TENM2: variants seen among roughly 807,000 people sequenced by gnomAD.
TENM2 encodes teneurin-2.
TENM2 carries 52 observed loss-of-function variants against 245.2 expected under a neutral mutation model. The ratio of observed to expected loss-of-function variants is 0.21; its 90% CI spans 0.17 to 0.27. The LOEUF (loss-of-function observed/expected upper bound fraction) is 0.27, where lower values mean the gene tolerates loss of function less well. TENM2 is among the 10% of genes least tolerant of loss of function. The pLI, the probability that TENM2 is intolerant of heterozygous loss-of-function variation, is 1.00. For synonymous variants in TENM2, 1,363 were observed against 1,438.9 expected (o/e 0.95, Z 1.19); for missense variants, 3,046 against 3,666.8 (o/e 0.83, Z 4.37).
chr5:167,321,791 T>TTTTC (rs1756745478), intron 1 of TENM2, among the ~76,000 whole-genome samples: 1 of 36,304 alleles, frequency 2.8e-5, no homozygotes, highest in African/African-American at 9.6e-5. Context: ...GCTTATTTTT[T>TTTTC]TTTTTTTTTT....
chr5:168,065,854 G>GTT (rs546874434), intron 7 of TENM2, among the ~76,000 whole-genome samples: 70 of 144,114 alleles, frequency 4.9e-4, no homozygotes, highest in Non-Finnish European at 5.9e-4. Context: ...AAGAACAAAG[G>GTT]TTTTTTTTTT....
At chr5:167,359,512 AT>A (rs60008626) in intron 1 of TENM2, among the ~76,000 whole-genome samples, 31,277 of 149,512 alleles carry the variant, frequency 0.21, 3,616 homozygotes, top group Middle Eastern at 0.27. Flanking sequence ...TCTACTTTCT[AT>A]TTTTTTTTTC....
At chr5:167,197,803 AAACT>A in the TENM2 span, among the ~76,000 whole-genome samples, 1 of 151,976 alleles carries the variant, frequency 6.6e-6, no homozygotes, top group Admixed American at 6.6e-5. Flanking sequence ...ACTTTTGCTA[AAACT>A]TGTTTCTTTC....
At chr5:167,523,572 G>A (rs1391015296) in intron 2 of TENM2, among the ~76,000 whole-genome samples, 1 of 151,914 alleles carries the variant, frequency 6.6e-6, no homozygotes, top group African/African-American at 2.4e-5. Context: ...TTTGGTGTTC[G>A]CTCATTGAAA....
At chr5:167,047,339 T>G in the TENM2 span, among the ~76,000 whole-genome samples, 2 of 152,306 alleles carry the variant, frequency 1.3e-5, no homozygotes, top group East Asian at 3.9e-4. Flanking sequence ...AGTAATCATC[T>G]GTACCTTGCA....
intron 2 of TENM2, among the ~76,000 whole-genome samples, chr5:167,444,554 C>G (rs923580763): frequency 6.6e-6 from 1 of 152,152 alleles, no homozygotes; most frequent in African/African-American, 2.4e-5. Context: ...ACTTATACTT[C>G]ACGTAGAGAA....
chr5:168,180,812 G>C (rs566366897), intron 13 of TENM2, among the ~76,000 whole-genome samples: 1 of 152,002 alleles, frequency 6.6e-6, no homozygotes, highest in African/African-American at 2.4e-5. Context: ...TAAGGCAGGA[G>C]AATCACTTGA....
intron 2 of TENM2, among the ~76,000 whole-genome samples, chr5:167,532,859 C>T (rs1771611468): frequency 6.8e-6 from 1 of 147,228 alleles, no homozygotes; most frequent in Non-Finnish European, 1.5e-5. Context: ...ATCCTGTAAA[C>T]TGTATAATCT....
At chr5:167,992,997 C>T in exon 5 of TENM2, 1 of 1,613,992 alleles carries the variant, frequency 6.2e-7, no homozygotes, top group Non-Finnish European at 8.5e-7. Flanking sequence ...AGCAGCTCTT[C>T]CCCGGGATAC....
chr5:167,188,454 T>G, the TENM2 span, among the ~76,000 whole-genome samples: 1 of 152,188 alleles, frequency 6.6e-6, no homozygotes, highest in African/African-American at 2.4e-5. Context: ...TTTTAGACTC[T>G]ATCTCAAGTC....
the TENM2 span, among the ~76,000 whole-genome samples, chr5:167,004,756 G>C: frequency 3.3e-5 from 5 of 152,138 alleles, no homozygotes; most frequent in Admixed American, 1.3e-4. Context: ...GTTTTAGGCA[G>C]TACGCTCCAC....
chr5:167,199,224 A>T, the TENM2 span, among the ~76,000 whole-genome samples: 1 of 152,184 alleles, frequency 6.6e-6, no homozygotes, highest in Admixed American at 6.5e-5. Context: ...ATAAATAAGA[A>T]TTTATTGAGT....
intron 2 of TENM2, among the ~76,000 whole-genome samples, chr5:167,423,082 C>T (rs528791596): frequency 5.4e-5 from 8 of 147,494 alleles, no homozygotes; most frequent in South Asian, 2.1e-4. Flanking sequence ...AACTTGACAC[C>T]GTACCTTCAT....
At chr5:167,629,857 A>T (rs956269731) in intron 2 of TENM2, among the ~76,000 whole-genome samples, 2 of 151,934 alleles carry the variant, frequency 1.3e-5, no homozygotes, top group African/African-American at 4.8e-5. Context: ...TTGTTGCGTG[A>T]TTCATTATCT....
At chr5:167,363,967 A>G (rs1759882467) in intron 1 of TENM2, among the ~76,000 whole-genome samples, 1 of 152,118 alleles carries the variant, frequency 6.6e-6, no homozygotes, top group South Asian at 2.1e-4. Context: ...AGTTTAGTAC[A>G]TAACAGTGAA....
At chr5:168,112,966 G>A (rs889954206) in intron 9 of TENM2, among the ~76,000 whole-genome samples, 3 of 152,134 alleles carry the variant, frequency 2.0e-5, no homozygotes, top group Non-Finnish European at 4.4e-5. Flanking sequence ...CTATTTTGAC[G>A]ATTTGCCTGG....
the TENM2 span, among the ~76,000 whole-genome samples, chr5:167,227,641 G>T: frequency 6.6e-6 from 1 of 152,064 alleles, no homozygotes. Flanking sequence ...TCTGATGGGC[G>T]TTTCTTTATA....
chr5:167,131,591 G>C, the TENM2 span, among the ~76,000 whole-genome samples: 1,820 of 152,238 alleles, frequency 0.012, 17 homozygotes, highest in Non-Finnish European at 0.021. Flanking sequence ...GGACACTACA[G>C]AGCTAGCATC....
intron 2 of TENM2, among the ~76,000 whole-genome samples, chr5:167,449,810 G>A (rs1765470102): frequency 6.6e-6 from 1 of 152,066 alleles, no homozygotes; most frequent in South Asian, 2.1e-4. Context: ...ATACAAAAAT[G>A]AGCCATGCAT....
Sources: gnomAD v4.1 joint callset for allele counts (sites outside exome capture counted in the v4.1 genomes callset) on GRCh38, gnomAD v4.1.1 for gene constraint, MANE v1.5 for transcripts, NCBI Gene and HGNC (gene_info 2026-07-23, HGNC 2026-07-21) for gene names.